FIRRM: variants seen among roughly 807,000 people sequenced by gnomAD.
FIRRM encodes FIGNL1 interacting regulator of recombination and mitosis, also known as FIGNL1-interacting regulator of recombination and mitosis.
the FIRRM span, among the ~76,000 whole-genome samples, chr1:169,823,015 G>A: frequency 6.6e-6 from 1 of 151,594 alleles, no homozygotes; most frequent in Non-Finnish European, 1.5e-5. Flanking sequence ...ACTTTGGGAG[G>A]CCAAGGCAGG....
At chr1:169,833,482 T>A in the FIRRM span, among the ~76,000 whole-genome samples, 3 of 152,200 alleles carry the variant, frequency 2.0e-5, no homozygotes, top group Admixed American at 2.0e-4. Context: ...AACTTCATTT[T>A]CCTTGTCTGC....
the FIRRM span, chr1:169,804,131 T>C: frequency 6.3e-7 from 1 of 1,584,206 alleles, no homozygotes; most frequent in Non-Finnish European, 8.6e-7. Context: ...TTCTCCAGGC[T>C]CTTTTCAAGG....
chr1:169,843,089 A>C, the FIRRM span, among the ~76,000 whole-genome samples: 1 of 152,266 alleles, frequency 6.6e-6, no homozygotes, highest in South Asian at 2.1e-4. Flanking sequence ...AGAAATTAAC[A>C]TTGGCCTCTG....
chr1:169,798,136 CTG>C, the FIRRM span, among the ~76,000 whole-genome samples: 1 of 152,154 alleles, frequency 6.6e-6, no homozygotes, highest in Non-Finnish European at 1.5e-5. Flanking sequence ...GAAGTACAAA[CTG>C]GGCATGGTGG....
the FIRRM span, chr1:169,793,569 C>A: frequency 1.2e-6 from 2 of 1,614,174 alleles, no homozygotes; most frequent in Non-Finnish European, 1.7e-6. Flanking sequence ...CTGTCCCTCT[C>A]TTCTCCTTTT....
the FIRRM span, chr1:169,795,232 C>CA: frequency 6.5e-7 from 1 of 1,532,814 alleles, no homozygotes; most frequent in Admixed American, 2.0e-5. Flanking sequence ...CCTTGGTTGT[C>CA]ACTTCTACCT....
At chr1:169,820,737 T>C in the FIRRM span, among the ~76,000 whole-genome samples, 47 of 152,208 alleles carry the variant, frequency 3.1e-4, no homozygotes, top group African/African-American at 1.1e-3. Flanking sequence ...AGTTGACTAA[T>C]TGGTGCTGCA....
chr1:169,837,402 T>G, the FIRRM span, among the ~76,000 whole-genome samples: 2 of 152,252 alleles, frequency 1.3e-5, no homozygotes, highest in African/African-American at 4.8e-5. Context: ...TTTGCTGATG[T>G]ATCTCTGGAT....
chr1:169,811,945 A>C, the FIRRM span, among the ~76,000 whole-genome samples: 46 of 150,698 alleles, frequency 3.1e-4, no homozygotes, highest in Admixed American at 2.6e-3. Flanking sequence ...CAAAGAAAGA[A>C]AGAAAGAATG....
the FIRRM span, among the ~76,000 whole-genome samples, chr1:169,822,059 G>A: frequency 6.6e-6 from 1 of 152,010 alleles, no homozygotes; most frequent in East Asian, 1.9e-4. Context: ...GATTTTTTCA[G>A]AAAGACAAGC....
the FIRRM span, chr1:169,827,230 C>T: frequency 6.3e-7 from 1 of 1,584,258 alleles, no homozygotes; most frequent in Middle Eastern, 1.7e-4. Flanking sequence ...AATGATAAAT[C>T]ATCTATTATG....
the FIRRM span, among the ~76,000 whole-genome samples, chr1:169,791,395 T>C: frequency 6.6e-6 from 1 of 152,380 alleles, no homozygotes; most frequent in East Asian, 1.9e-4. Flanking sequence ...TAACTATGAC[T>C]TTCATCTTAG....
chr1:169,845,422 A>G, the FIRRM span, among the ~76,000 whole-genome samples: 9 of 152,304 alleles, frequency 5.9e-5, no homozygotes, highest in Middle Eastern at 3.4e-3. Context: ...ACGACAATGA[A>G]GTCTGCCACA....
the FIRRM span, chr1:169,852,759 T>C: frequency 6.2e-7 from 1 of 1,604,510 alleles, no homozygotes. Context: ...TTAGAATGGA[T>C]ATTGTGATAT....
At chr1:169,849,622 T>G in the FIRRM span, 4,143 of 1,542,680 alleles carry the variant, frequency 2.7e-3, 78 homozygotes, top group African/African-American at 0.043. Flanking sequence ...TAAAACTGAT[T>G]TATCACAGTG....
the FIRRM span, chr1:169,849,819 C>T: frequency 1.8e-6 from 1 of 550,918 alleles, no homozygotes; most frequent in Non-Finnish European, 3.2e-6. Context: ...AAACAAGGAC[C>T]AGAACAGGCA....
chr1:169,853,713 T>G, the FIRRM span: 1 of 1,613,662 alleles, frequency 6.2e-7, no homozygotes, highest in Non-Finnish European at 8.5e-7. Context: ...ACATCTATTG[T>G]CACCAGTTAT....
At chr1:169,830,990 G>T in the FIRRM span, among the ~76,000 whole-genome samples, 202 of 152,286 alleles carry the variant, frequency 1.3e-3, no homozygotes, top group African/African-American at 4.7e-3. Flanking sequence ...ATTGTTCTGG[G>T]AAGGAAAGAC....
the FIRRM span, chr1:169,851,603 C>A: frequency 1.7e-6 from 1 of 599,760 alleles, no homozygotes; most frequent in Non-Finnish European, 2.8e-6. Context: ...TTTTTTCCTG[C>A]AAAGACAACT....
Sources: allele counts gnomAD v4.1 joint callset (sites outside exome capture counted in the v4.1 genomes callset), GRCh38; gene constraint gnomAD v4.1.1; transcripts MANE v1.5; gene names NCBI Gene and HGNC (gene_info 2026-07-23, HGNC 2026-07-21).